The following HYAL1 variants were observed in gnomAD, a reference collection of about 807,000 sequenced individuals.
HYAL1 encodes the protein hyaluronidase-1.
HYAL1 carries 21 observed loss-of-function variants against 28.8 expected under a neutral mutation model. That is an observed-to-expected ratio of 0.73 (90% confidence interval 0.52 to 1.05). The LOEUF (loss-of-function observed/expected upper bound fraction) is 1.05, where lower values mean the gene tolerates loss of function less well. Ranked by LOEUF, HYAL1 falls within the 50% of genes least tolerant of loss-of-function variation. HYAL1 has a pLI of 0.00. For synonymous variants in HYAL1, 200 were observed against 230.1 expected (o/e 0.87, Z 1.18); for missense variants, 491 against 579.2 (o/e 0.85, Z 1.56).
chr3:50,311,459 T>A (rs1305657415), intron 1 of HYAL1, among the ~76,000 whole-genome samples: 2 of 57,182 alleles, frequency 3.5e-5, no homozygotes, highest in East Asian at 9.1e-4. Flanking sequence ...CCCCCCCACC[T>A]CCCTCCCGGA....
In HYAL1 at chr3:50,302,403, C is replaced by T. The variant is rs1553713196; in HGVS notation, c.554G>A (p.Gly185Asp). Residue 185 changes from glycine to aspartate, a missense_variant, in exon 2 of 4, where the codon GGC becomes GAC. Gly to Asp is a moderately conservative substitution (Grantham distance 94, BLOSUM62 -1). Transcript: ENST00000395144. This position sits in a 1 kb window ranked among gnomAD's most constrained non-coding sequence, Gnocchi z 5.0. Reference sequence around the variant, plus strand: ...CAGTGCCCGCCCCAGCTGGAGGGTGCCTGCCATCCAGGCCCGTGCAGCTCC... The same window carrying T: ...CAGTGCCCGCCCCAGCTGGAGGGTGTCTGCCATCCAGGCCCGTGCAGCTCC... Reference protein sequence around the residue: ...FQGAARAWMAGTLQLGRALRP... With the variant: ...FQGAARAWMADTLQLGRALRP... 2.5e-6 allele frequency: 4 copies of T among 1,613,762 alleles called. No homozygotes were observed. The highest frequency in any genetic ancestry group is 2.7e-5 in the African/African-American group (2 of 74,940).
At chr3:50,312,051 G>C (rs1239825034) in intron 1 of HYAL1, among the ~76,000 whole-genome samples, 1 of 140,494 alleles carries the variant, frequency 7.1e-6, no homozygotes, top group Non-Finnish European at 1.6e-5. Context: ...CGGACGGGGC[G>C]GCTGGCCGGG....
upstream of HYAL1, chr3:50,303,796 G>C (rs587772137): frequency 1.3e-5 from 2 of 152,402 alleles, no homozygotes; most frequent in Non-Finnish European, 2.9e-5. Context: ...ACCTAGGCTG[G>C]AGGAGGTGGG....
Position 50,299,983 on chromosome 3 carries a change from C to T in HYAL1, c.*500G>A, listed in dbSNP as rs1315160870. ...GGTTACCACAAACTCAGTAGGAGTG[C>T]AAGGGCTGTACCCCCGGAGCTAGAC... On this transcript the variant is annotated 3_prime_UTR_variant, in exon 4 of 4. Transcript: ENST00000395144. 1.8e-5 allele frequency: 4 copies of T among 222,588 alleles called. No individual in the cohort carries two copies. In the East Asian group the frequency reaches 4.3e-4, roughly 24 times the overall value. The allele number at this position is 222,588 out of a possible 1,614,324, so 13.8% of individuals were successfully genotyped here. A position where few individuals can be genotyped will look rare whatever the true frequency, so the allele number is the denominator to read the frequency against.
chr3:50,301,388 G>A (rs1388921499), intron 2 of HYAL1, among the ~76,000 whole-genome samples: 1 of 152,026 alleles, frequency 6.6e-6, no homozygotes, highest in Non-Finnish European at 1.5e-5. Context: ...GGCTGAGGTG[G>A]GAGGATCACC....
chr3:50,305,865 A>G (rs1396681632), upstream of HYAL1, among the ~76,000 whole-genome samples: 2 of 151,392 alleles, frequency 1.3e-5, no homozygotes, highest in African/African-American at 2.5e-5. Flanking sequence ...TAGATGTCTC[A>G]TATCTCCCTA....
At chr3:50,301,731 T>A (rs1702168447) in intron 2 of HYAL1, among the ~76,000 whole-genome samples, 1 of 151,364 alleles carries the variant, frequency 6.6e-6, no homozygotes, top group Admixed American at 6.6e-5. Context: ...GGCGGATGGA[T>A]CACGAGGTCA....
At chr3:50,310,579 T>G (rs1260788783) in intron 1 of HYAL1, among the ~76,000 whole-genome samples, 1 of 147,076 alleles carries the variant, frequency 6.8e-6, no homozygotes, top group African/African-American at 2.5e-5. Flanking sequence ...GTGGTTTCTT[T>G]TCTTTTTTTT....
At chr3:50,312,058 C>T (rs587645103) in intron 1 of HYAL1, among the ~76,000 whole-genome samples, 9 of 137,238 alleles carry the variant, frequency 6.6e-5, no homozygotes, top group East Asian at 4.4e-4. Flanking sequence ...GGCGGCTGGC[C>T]GGGCGGGGGG....
At chr3:50,312,217 T>G (rs369563717) in intron 1 of HYAL1, 17 of 173,420 alleles carry the variant, frequency 9.8e-5, no homozygotes, top group East Asian at 9.2e-4. Flanking sequence ...GCGGAGACCC[T>G]CCTCACTTCC....
rs587748533 is a variant in HYAL1 at position 50,302,148 on chromosome 3, A to G, written c.809T>C (p.Phe270Ser). 1 of 1,614,148 alleles carries G rather than the reference A, an allele frequency of 6.2e-7. No homozygotes were observed. Among genetic ancestry groups the G allele is most frequent in the South Asian group, 1.1e-5 (1 of 91,070 alleles). The change falls in exon 2 of 4, where the codon TTC becomes TCC. Residue 270 changes from phenylalanine to serine, a missense_variant. Coordinates refer to ENST00000395144, the MANE Select transcript of HYAL1 (RefSeq NM_033159.4). This position sits in a 1 kb window ranked among gnomAD's most constrained non-coding sequence, Gnocchi z 5.0. ...GTCACCAGCAGCCACAGCCACACGG[A>G]ATGCCTCGGCCACACGGTGTTGCAC... Reference protein sequence around the residue: ...MYVQHRVAEAFRVAVAAGDPN... With the variant: ...MYVQHRVAEASRVAVAAGDPN...
At chr3:50,304,293 AAAAATATATATATATATATATATATAT>A (rs1348691926), upstream of HYAL1, among the ~76,000 whole-genome samples, 2,056 of 57,040 alleles carry the variant, frequency 0.036, 192 homozygotes, top group African/African-American at 0.14. Flanking sequence ...AAAAAAAAAA[AAAAATATATATATATATATATATATAT>A]ATATATATAT....
intron 1 of HYAL1, among the ~76,000 whole-genome samples, chr3:50,310,715 G>A (rs1264818440): frequency 6.6e-6 from 1 of 150,492 alleles, no homozygotes. Context: ...GTGAACAAAG[G>A]TCTCTGGTTT....
chr3:50,300,404 T>C lies in HYAL1; in HGVS notation c.*79A>G, dbSNP rs1195471934. 2.9e-6 allele frequency: 4 copies of C among 1,372,328 alleles called. No homozygotes were observed. The African/African-American group carries it at 5.7e-5, about 20-fold the overall frequency. 85.0% of individuals were successfully genotyped at this position (1,372,328 alleles called of 1,614,324 possible). Reference sequence around the variant, plus strand: ...TTACTGTGACCATGACTTGTATGACTGTGCATGTATTTGAGGAAGCCCTGG... The same window carrying C: ...TTACTGTGACCATGACTTGTATGACCGTGCATGTATTTGAGGAAGCCCTGG... On this transcript the variant is annotated 3_prime_UTR_variant, in exon 4 of 4. Transcript: ENST00000395144.
At chr3:50,304,959 T>G (rs1263893106), upstream of HYAL1, among the ~76,000 whole-genome samples, 2 of 152,256 alleles carry the variant, frequency 1.3e-5, no homozygotes, top group East Asian at 3.8e-4. Context: ...CATTCATTTG[T>G]GGTTTCACTT....
chr3:50,300,427 T>TG lies in HYAL1; in HGVS notation c.*55dup. On this transcript the variant is annotated 3_prime_UTR_variant, in exon 4 of 4. Coordinates refer to ENST00000395144, the MANE Select transcript of HYAL1 (RefSeq NM_033159.4). ...ACTGTGCATGTATTTGAGGAAGCCCTGGCCAGACCCAGAGTGCATTAGGTT... is the reference window on the plus strand; with the variant it reads ...ACTGTGCATGTATTTGAGGAAGCCCTGGGCCAGACCCAGAGTGCATTAGGTT... The TG allele has an allele frequency of 6.3e-7, 1 of 1,577,686 alleles. No individual in the cohort carries two copies. Among genetic ancestry groups the TG allele is most frequent in the Non-Finnish European group, 8.7e-7 (1 of 1,147,492 alleles).
intron 2 of HYAL1, among the ~76,000 whole-genome samples, chr3:50,301,669 G>C (rs1269145900): frequency 6.8e-6 from 1 of 147,090 alleles, no homozygotes; most frequent in African/African-American, 2.5e-5. Context: ...CCCAAGGTTG[G>C]GGGCCGGGCG....
rs782638873 is a variant in HYAL1, at chr3:50,302,660, A to C, written c.297T>G (p.Asn99Lys). 6.2e-7 allele frequency: 1 copy of C among 1,614,110 alleles called. No individual in the cohort carries two copies. The highest frequency in any genetic ancestry group is 1.7e-5 in the Admixed American group (1 of 60,016). Residue 99 changes from asparagine (N) to lysine (K), a missense_variant, in exon 2 of 4, where the codon AAT (asparagine) becomes AAG (lysine). Transcript: ENST00000395144. This position sits in a 1 kb window ranked among gnomAD's most constrained non-coding sequence, Gnocchi z 5.0. ...GEPVFGGLPQ[N>K]ASLIAHLART... ...GGGCCAGGTGGGCAATCAGGCTGGC[A>C]TTCTGGGGCAGACCACCAAACACAG...
chr3:50,312,091 G>A (rs1223510658), intron 1 of HYAL1, among the ~76,000 whole-genome samples: 20 of 145,612 alleles, frequency 1.4e-4, no homozygotes, highest in Admixed American at 4.0e-4. Context: ...CCTCCCTCCC[G>A]GACGGGGCGG....
Sources: gnomAD v4.1 joint callset for allele counts (sites outside exome capture counted in the v4.1 genomes callset) on GRCh38, gnomAD v4.1.1 for gene constraint, Gnocchi (gnomAD v3.1) non-coding constraint, MANE v1.5 for transcripts, NCBI Gene and HGNC (gene_info 2026-07-23, HGNC 2026-07-21) for gene names.